The following APOB variants were observed in gnomAD, a reference collection of about 807,000 sequenced individuals.
The protein encoded by APOB is apolipoprotein B.
In APOB, 153 loss-of-function variants were observed where a neutral mutation model predicts 314.1. The ratio of observed to expected loss-of-function variants is 0.49; its 90% confidence interval spans 0.43 to 0.56. APOB has a LOEUF of 0.56. Among genes scored for constraint, APOB ranks in the 20% least tolerant of loss-of-function variants. APOB has a pLI of 0.00. For missense variants in APOB, 5,430 were observed against 5,350.7 expected, an observed-to-expected ratio of 1.01 and a Z score of -0.46; for synonymous variants, 2,087 against 2,036.4, an observed-to-expected ratio of 1.02 and a Z score of -0.67.
At chr2:21,004,154 C>T (rs570700267) in intron 28 of APOB, 115 bp downstream of exon 28, 69 of 1,090,078 alleles carry the variant, frequency 6.3e-5, no homozygotes, top group Admixed American at 2.3e-4. Flanking sequence ...AGTTGCTTAC[C>T]GCCTGTCTTT....
chr2:21,003,416 TTAAAAA>T (rs1305669489), intron 28 of APOB, 82 bp from the exon 29 acceptor site: 1 of 1,233,386 alleles, frequency 8.1e-7, no homozygotes, highest in Non-Finnish European at 1.2e-6. Flanking sequence ...TCATTAGCAG[TTAAAAA>T]TAAAGATCAG....
At chr2:21,028,807 A>G (rs571480825) in intron 12 of APOB, among the ~76,000 whole-genome samples, 2 of 152,232 alleles carry the variant, frequency 1.3e-5, no homozygotes, top group South Asian at 2.1e-4. Flanking sequence ...TTGTTTGGAG[A>G]TCCACCACTA....
rs1217607519 is a variant in APOB, at chr2:21,004,276, C to G, written c.12080G>C (p.Ser4027Thr). Residue 4027 changes from serine (S) to threonine (T), a missense_variant, in exon 28 of 29, where the codon AGC becomes ACC. Physicochemically the swap from Ser to Thr is moderately conservative, Grantham distance 58. Around this residue, in one of 3 missense-constraint regions of APOB, gnomAD observed 3,281 missense variants for 3,171.0 expected, o/e 1.03. Coordinates refer to ENST00000233242, the MANE Select transcript of APOB (RefSeq NM_000384.3). ...TCATTAGGTGGTATTTACCTGAGGG[C>G]TGTAGTAGAAGTTCCATTTAGAAAA... The part of the protein sequence containing the change: ...DDFSKWNFYY[S>T]PQSSPDKKLT... 2 of 1,613,898 alleles carry G rather than the reference C, an allele frequency of 1.2e-6. No individual in the cohort carries two copies. Among genetic ancestry groups the G allele is most frequent in the South Asian group, 2.2e-5 (2 of 91,080 alleles).
chr2:21,033,226 A>G, intron 9 of APOB, 73 bp downstream of exon 9: 1 of 1,185,210 alleles, frequency 8.4e-7, no homozygotes, highest in East Asian at 2.3e-5. Context: ...GAGATTCTCC[A>G]TTTGGCCAAG....
Position 21,038,074 on chromosome 2 carries a change from C to T in APOB, c.421G>A (p.Val141Ile). The T allele has an allele frequency of 1.9e-6, 3 of 1,614,196 alleles. No homozygotes were observed. Among genetic ancestry groups the T allele is most frequent in the Middle Eastern group, 1.7e-4 (1 of 6,054 alleles). Residue 141 changes from valine (V) to isoleucine (I), a missense_variant, in exon 5 of 29, where the codon GTT becomes ATT. By Grantham distance (29) the Val-to-Ile change is conservative (BLOSUM62 3). Transcript: ENST00000233242. ...LKLAIPEGKQVFLYPEKDEPT... is the reference protein window; with the variant it reads ...LKLAIPEGKQIFLYPEKDEPT... ...TCATCTTTCTCCGGGTAAAGGAAAACCTGCTTCCCTTCTGGAATGGCCAGC... is the reference window on the plus strand; with the variant it reads ...TCATCTTTCTCCGGGTAAAGGAAAATCTGCTTCCCTTCTGGAATGGCCAGC...
chr2:21,034,805 G>C lies in APOB; in HGVS notation c.904+11C>G, dbSNP rs148944625. On this transcript the variant is annotated intron_variant, in intron 8 of 28. Coordinates refer to ENST00000233242, the MANE Select transcript of APOB (RefSeq NM_000384.3). Reference sequence around the variant, plus strand: ...AGATTTTCCAGCAACTATGTGGACAGAAACTCTTACCTTCACCAAAGAAGC... The same window carrying C: ...AGATTTTCCAGCAACTATGTGGACACAAACTCTTACCTTCACCAAAGAAGC... The C allele has an allele frequency of 1.0e-3, 1,565 of 1,533,522 alleles. 18 individuals are homozygous for C. In the African/African-American group the frequency reaches 0.017, roughly 17 times the overall value. 95.0% of individuals were successfully genotyped at this position (1,533,522 alleles called of 1,614,324 possible).
chr2:21,028,464 C>T lies in APOB; in HGVS notation c.1692G>A (p.Met564Ile), dbSNP rs1663795469. 2 of 1,614,106 alleles carry T rather than the reference C, an allele frequency of 1.2e-6. No homozygotes were observed. Among genetic ancestry groups the T allele is most frequent in the East Asian group, 4.5e-5 (2 of 44,880 alleles). ...CTGCCTGTGAAGGACTCCTCATCAA[C>T]ATAAGATAGGCAGCCAGTCGCTTAT... is the stretch of plus-strand genomic sequence containing the variant. ...PGDKRLAAYLMLMRSPSQADI... is the reference protein window; with the variant it reads ...PGDKRLAAYLILMRSPSQADI... The change falls in exon 13 of 29, where the codon ATG (methionine) becomes ATA (isoleucine). Residue 564 changes from methionine to isoleucine, a missense_variant. Coordinates refer to ENST00000233242, the MANE Select transcript of APOB (RefSeq NM_000384.3).
Position 21,014,519 on chromosome 2 carries a change from G to C in APOB, c.3771C>G (p.Ser1257Arg). 2 of 1,614,050 alleles carry C rather than the reference G, an allele frequency of 1.2e-6. No homozygotes were observed. The highest frequency in any genetic ancestry group is 1.7e-6 in the Non-Finnish European group (2 of 1,179,984). Residue 1257 changes from serine to arginine, a missense_variant, in exon 24 of 29, where the codon AGC (serine) becomes AGG (arginine). By Grantham distance (110) the Ser-to-Arg change is moderately radical. This residue lies in a region of APOB where 2,085 missense variants were observed against 2,079.7 expected (regional missense o/e 1.00). Coordinates refer to ENST00000233242, the MANE Select transcript of APOB (RefSeq NM_000384.3). ...TGTTCTGGAGGTTGAACTCCTTCAGGCTATTGAGGTGGTCTTGCAAAGTCT... is the reference window on the plus strand; with the variant it reads ...TGTTCTGGAGGTTGAACTCCTTCAGCCTATTGAGGTGGTCTTGCAAAGTCT... Reference protein sequence around the residue: ...YTQTLQDHLNSLKEFNLQNMG... With the variant: ...YTQTLQDHLNRLKEFNLQNMG...
rs755559254 is a variant in APOB at position 21,007,613 on chromosome 2, T to C, written c.9255A>G (p.Ala3085=). 6.2e-7 allele frequency: 1 copy of C among 1,614,116 alleles called. No homozygotes were observed. Among genetic ancestry groups the C allele is most frequent in the Non-Finnish European group, 8.5e-7 (1 of 1,179,958 alleles). Residue 3085 remains alanine, a synonymous_variant, in exon 26 of 29, where the codon GCA becomes GCG. Coordinates refer to ENST00000233242, the MANE Select transcript of APOB (RefSeq NM_000384.3). ...TGAACCTAGCACTTACTTGCCAACT[T>C]GCTTGCTGGGCACTGGGACTCAGAA... is the stretch of plus-strand genomic sequence containing the variant. ...ALFLSPSAQQ[A]SWQVSARFNQ...
intron 8 of APOB, among the ~76,000 whole-genome samples, chr2:21,033,768 A>T (rs1453402986): frequency 6.6e-6 from 1 of 152,130 alleles, no homozygotes; most frequent in Non-Finnish European, 1.5e-5. Flanking sequence ...TCTGAGACCC[A>T]CAGAGTTTTT....
chr2:21,034,754 T>G (rs1663958377), intron 8 of APOB, 62 bp downstream of exon 8: 2 of 941,064 alleles, frequency 2.1e-6, no homozygotes, highest in Admixed American at 1.7e-5. Flanking sequence ...AGCAAGTGGC[T>G]AAGCCATGAT....
rs1374171633 is a variant in APOB at position 21,011,195 on chromosome 2, A to T, written c.5673T>A (p.His1891Gln). 1 of 1,614,230 alleles carries T rather than the reference A, an allele frequency of 6.2e-7. No homozygotes were observed. Among genetic ancestry groups the T allele is most frequent in the Non-Finnish European group, 8.5e-7 (1 of 1,180,038 alleles). Residue 1891 changes from histidine to glutamine, a missense_variant, in exon 26 of 29, where the codon CAT (histidine) becomes CAA (glutamine). Coordinates refer to ENST00000233242, the MANE Select transcript of APOB (RefSeq NM_000384.3). ...TTACAGAACGGAAGACATTGCTGAA[A>T]TGCAGTGAGTCTGAATTATAGTTTG... ...MSTNYNSDSL[H>Q]FSNVFRSVMA...
rs955907223 is a variant in APOB at position 21,003,293 on chromosome 2, C to T, written c.12129G>A (p.Leu4043=). The T allele has an allele frequency of 2.1e-5, 34 of 1,613,466 alleles. No homozygotes were observed. Among genetic ancestry groups the T allele is most frequent in the Non-Finnish European group, 2.7e-5 (32 of 1,179,878 alleles). The change falls in exon 29 of 29, where the codon TTG becomes TTA. Residue 4043 remains leucine, a synonymous_variant. Transcript: ENST00000233242. Reference sequence around the variant, plus strand: ...TTTCCTCATCAGATTCCCGGACCCTCAACTCAGTTTTGAATATGGTGAGTT... The same window carrying T: ...TTTCCTCATCAGATTCCCGGACCCTTAACTCAGTTTTGAATATGGTGAGTT... ...DKKLTIFKTE[L]RVRESDEETQ... is the part of the protein sequence containing the mutation.
At chr2:21,018,485 G>A (rs1663528415) in intron 20 of APOB, among the ~76,000 whole-genome samples, 1 of 151,938 alleles carries the variant, frequency 6.6e-6, no homozygotes, top group South Asian at 2.1e-4. Flanking sequence ...TCCTTTCCTT[G>A]AAACATGGTA....
chr2:21,026,985 A>T, intron 14 of APOB, 21 bp from the exon 15 acceptor site: 1 of 1,613,680 alleles, frequency 6.2e-7, no homozygotes, highest in East Asian at 2.2e-5. Context: ...AAATCAGACA[A>T]GAAAATGGCA....
intron 20 of APOB, among the ~76,000 whole-genome samples, chr2:21,018,379 A>G (rs978817479): frequency 3.3e-5 from 5 of 152,178 alleles, no homozygotes; most frequent in Non-Finnish European, 7.3e-5. Flanking sequence ...ACCATGGCCT[A>G]TGAGATTATC....
At position 21,029,653 on chromosome 2, in the gene APOB, C is replaced by T. The variant is rs1663827330; in HGVS notation, c.1603G>A (p.Glu535Lys). 6.2e-7 allele frequency: 1 copy of T among 1,614,106 alleles called. No individual in the cohort carries two copies. The change falls in exon 12 of 29, where the codon GAG becomes AAG. Residue 535 changes from glutamate (E) to lysine (K), a missense_variant. Around this residue, in one of 3 missense-constraint regions of APOB, gnomAD observed 2,085 missense variants for 2,079.7 expected, o/e 1.00. Coordinates refer to ENST00000233242, the MANE Select transcript of APOB (RefSeq NM_000384.3). ...KAAIQALRKM[E>K]PKDKDQEVLL... ...GTGGACTTTACCTTGTCTTTAGGCTCCATTTTCCGCAGAGCCTGGATGGCA... is the reference window on the plus strand; with the variant it reads ...GTGGACTTTACCTTGTCTTTAGGCTTCATTTTCCGCAGAGCCTGGATGGCA...
In APOB at chr2:21,036,977, G is replaced by C. The variant is rs965104173; in HGVS notation, c.693+123C>G. 6.9e-5 allele frequency: 86 copies of C among 1,238,684 alleles called. 2 individuals carry two copies. The highest frequency in any genetic ancestry group is 8.7e-5 in the Non-Finnish European group (75 of 865,170). The allele number at this position is 1,238,684 out of a possible 1,614,324, so 76.7% of individuals were successfully genotyped here. A position where few individuals can be genotyped will look rare whatever the true frequency, so the allele number is the denominator to read the frequency against. ...GTGCCTGCTCAGGGTCCTATCTCTA[G>C]TCTGTATAAAAAACAGCCAGGGCAG... is the stretch of plus-strand genomic sequence containing the variant. On this transcript the variant is annotated intron_variant, in intron 6 of 28. Coordinates refer to ENST00000233242, the MANE Select transcript of APOB (RefSeq NM_000384.3).
Position 21,011,065 on chromosome 2 carries a change from C to A in APOB, c.5803G>T (p.Ala1935Ser). The A allele has an allele frequency of 6.2e-7, 1 of 1,614,192 alleles. No homozygotes were observed. The highest frequency in any genetic ancestry group is 8.5e-7 in the Non-Finnish European group (1 of 1,180,030). Residue 1935 changes from alanine (A) to serine (S), a missense_variant, in exon 26 of 29, where the codon GCA (alanine) becomes TCA (serine). Physicochemically the swap from Ala to Ser is moderately conservative, Grantham distance 99. Coordinates refer to ENST00000233242, the MANE Select transcript of APOB (RefSeq NM_000384.3). ...GAGAAAGTAAATGCCAGAGGTTCTGCTTTCAACAGGAATTTGCTATACAGC... is the reference window on the plus strand; with the variant it reads ...GAGAAAGTAAATGCCAGAGGTTCTGATTTCAACAGGAATTTGCTATACAGC... ...GQLYSKFLLK[A>S]EPLAFTFSHD...
Sources: gnomAD v4.1 joint callset for allele counts (sites outside exome capture counted in the v4.1 genomes callset) on GRCh38, gnomAD v4.1.1 for gene constraint, gnomAD v4.1.1 regional missense constraint, MANE v1.5 for transcripts, NCBI Gene and HGNC (gene_info 2026-07-23, HGNC 2026-07-21) for gene names.